Variants in CDK14 observed in about 807,000 individuals in gnomAD.
The protein encoded by CDK14 is cyclin-dependent kinase 14.
In CDK14, 34 loss-of-function variants were observed where a neutral mutation model predicts 60.7. The ratio of observed to expected loss-of-function variants is 0.56; its 90% CI spans 0.43 to 0.75. The LOEUF is 0.75. Ranked by LOEUF, CDK14 falls within the 30% of genes least tolerant of loss-of-function variation. CDK14 has a pLI of 0.00. For missense variants in CDK14, 482 were observed against 564.1 expected (o/e 0.85, Z 1.47); for synonymous variants, 197 against 203.7 (o/e 0.97, Z 0.28).
At chr7:90,889,803 T>A (rs530658357) in intron 6 of CDK14, among the ~76,000 whole-genome samples, 1 of 152,322 alleles carries the variant, frequency 6.6e-6, no homozygotes, top group Non-Finnish European at 1.5e-5. Flanking sequence ...AGTGGAATAC[T>A]TGAGAATAAC....
chr7:90,615,039 TAATGA>T (rs879557940), intron 2 of CDK14, among the ~76,000 whole-genome samples: 15 of 152,312 alleles, frequency 9.8e-5, no homozygotes, highest in Non-Finnish European at 1.6e-4. Context: ...AATTTTTTAA[TAATGA>T]AATTAATAGT....
rs572727822 is a variant in CDK14 at position 91,200,615 on chromosome 7, C to G, written c.*29-6550C>G. 3.3e-5 allele frequency among the ~76,000 whole-genome samples: 5 copies of G among 152,066 alleles called. No homozygotes were observed. In the East Asian group the frequency reaches 7.7e-4, roughly 24 times the overall value. On this transcript the variant is annotated intron_variant, in intron 14 of 14. Transcript: ENST00000380050. ...AACAGTTACGCGCTTTAGTTAAGGCCCTGGTTTTCTGACTGTGTTCAAACA... is the reference window on the plus strand; with the variant it reads ...AACAGTTACGCGCTTTAGTTAAGGCGCTGGTTTTCTGACTGTGTTCAAACA...
chr7:91,073,781 G>T (rs1409069439), intron 11 of CDK14, among the ~76,000 whole-genome samples: 1 of 10,196 alleles, frequency 9.8e-5, no homozygotes, highest in Non-Finnish European at 1.0e-3. Context: ...GACACACATG[G>T]GCCAAAATAA....
intron 9 of CDK14, among the ~76,000 whole-genome samples, chr7:90,959,010 C>T (rs1396574645): frequency 2.6e-5 from 4 of 152,098 alleles, no homozygotes; most frequent in African/African-American, 4.8e-5. Flanking sequence ...TGATTTCCAG[C>T]GTGTGCTACT....
chr7:90,610,967 T>A (rs992211107), intron 2 of CDK14, among the ~76,000 whole-genome samples: 50 of 152,288 alleles, frequency 3.3e-4, no homozygotes, highest in Non-Finnish European at 4.1e-4. Context: ...CCACTCCCTG[T>A]CAACATCCTG....
chr7:90,628,391 G>A (rs1799921532), intron 2 of CDK14, among the ~76,000 whole-genome samples: 1 of 152,146 alleles, frequency 6.6e-6, no homozygotes. Context: ...TCACTTCCAA[G>A]TGTTAAAGGC....
chr7:90,873,238 T>A (rs549681665), intron 6 of CDK14, among the ~76,000 whole-genome samples: 1 of 152,292 alleles, frequency 6.6e-6, no homozygotes, highest in East Asian at 1.9e-4. Context: ...TGCCACCTGA[T>A]GTAAGTACCC....
intron 2 of CDK14, among the ~76,000 whole-genome samples, chr7:90,653,250 G>A (rs1235039633): frequency 6.6e-6 from 1 of 151,964 alleles, no homozygotes; most frequent in Non-Finnish European, 1.5e-5. Flanking sequence ...CCAGATTCTG[G>A]TAACTCCACA....
chr7:90,906,267 G>A (rs762454032), intron 7 of CDK14, among the ~76,000 whole-genome samples: 64 of 151,900 alleles, frequency 4.2e-4, no homozygotes, highest in Non-Finnish European at 7.4e-4. Context: ...TAGATTGTTG[G>A]GAAAATATAG....
At chr7:90,985,591 A>C (rs999250528) in intron 10 of CDK14, among the ~76,000 whole-genome samples, 2 of 152,206 alleles carry the variant, frequency 1.3e-5, no homozygotes, top group Non-Finnish European at 2.9e-5. Context: ...TATCATATTA[A>C]GAATACAATC....
chr7:91,202,385 T>G (rs112888857), intron 14 of CDK14, among the ~76,000 whole-genome samples: 1 of 152,256 alleles, frequency 6.6e-6, no homozygotes, highest in Non-Finnish European at 1.5e-5. Flanking sequence ...ACTAATCTTA[T>G]GATTTATATA....
intron 5 of CDK14, among the ~76,000 whole-genome samples, chr7:90,822,733 C>T (rs1461554069): frequency 1.3e-5 from 2 of 152,076 alleles, no homozygotes; most frequent in African/African-American, 4.8e-5. Context: ...AAGGCAGACA[C>T]AAAAGAGCAC....
intron 2 of CDK14, among the ~76,000 whole-genome samples, chr7:90,614,730 G>C (rs1799614796): frequency 6.6e-6 from 1 of 152,046 alleles, no homozygotes; most frequent in African/African-American, 2.4e-5. Flanking sequence ...TTACAGACAT[G>C]AGCCACTGTA....
At chr7:90,755,628 C>G (rs1289236147) in intron 4 of CDK14, among the ~76,000 whole-genome samples, 1 of 152,012 alleles carries the variant, frequency 6.6e-6, no homozygotes, top group Non-Finnish European at 1.5e-5. Context: ...GTTGAAATTA[C>G]TTAAAAAGTA....
At chr7:91,145,752 A>G (rs1394998928) in intron 14 of CDK14, among the ~76,000 whole-genome samples, 1 of 152,108 alleles carries the variant, frequency 6.6e-6, no homozygotes, top group Non-Finnish European at 1.5e-5. Flanking sequence ...TTCCTTATTA[A>G]CTTGTTATGT....
chr7:90,866,418 TCATTG>T (rs892618074), intron 6 of CDK14, among the ~76,000 whole-genome samples: 1 of 152,144 alleles, frequency 6.6e-6, no homozygotes, highest in Admixed American at 6.5e-5. Context: ...TGTAATTAAT[TCATTG>T]TACCCTTTTT....
intron 9 of CDK14, among the ~76,000 whole-genome samples, chr7:90,974,089 A>G (rs370418095): frequency 3.3e-4 from 50 of 152,090 alleles, no homozygotes; most frequent in African/African-American, 1.0e-3. Context: ...TCGCTAGGGT[A>G]TCAATTATTA....
chr7:91,035,026 T>A (rs1796881187), intron 10 of CDK14, among the ~76,000 whole-genome samples: 1 of 151,790 alleles, frequency 6.6e-6, no homozygotes, highest in Non-Finnish European at 1.5e-5. Flanking sequence ...AGCCATGTGA[T>A]TGTGCTGGTT....
At chr7:90,651,436 C>G (rs536584518) in intron 2 of CDK14, among the ~76,000 whole-genome samples, 1 of 152,200 alleles carries the variant, frequency 6.6e-6, no homozygotes, top group East Asian at 1.9e-4. Flanking sequence ...GTTTCTTCAC[C>G]CCTAAGGTTG....
Sources: gnomAD v4.1 joint callset for allele counts (sites outside exome capture counted in the v4.1 genomes callset) on GRCh38, gnomAD v4.1.1 for gene constraint, MANE v1.5 for transcripts, NCBI Gene and HGNC (gene_info 2026-07-23, HGNC 2026-07-21) for gene names.